PRKAG1: variants seen among roughly 807,000 people sequenced by gnomAD.
PRKAG1 encodes protein kinase AMP-activated non-catalytic subunit gamma 1, also known as 5'-AMP-activated protein kinase subunit gamma-1.
PRKAG1 carries 27 observed loss-of-function variants against 48.2 expected under a neutral mutation model. The observed-to-expected ratio is 0.56, with a 90% CI of 0.41 to 0.77. The LOEUF (loss-of-function observed/expected upper bound fraction) is 0.77, where lower values mean the gene tolerates loss of function less well. PRKAG1 is among the 30% of genes least tolerant of loss of function. The pLI is 0.00. For synonymous variants in PRKAG1, 130 were observed against 147.7 expected (o/e 0.88, Z 0.87); for missense variants, 287 against 398.3 (o/e 0.72, Z 2.38).
At chr12:49,009,516 T>C (rs1383207718) in intron 2 of PRKAG1, 1 of 152,236 alleles carries the variant, frequency 6.6e-6, no homozygotes, top group Admixed American at 6.5e-5. Context: ...ACTATATTTT[T>C]AATTTCCAAG....
chr12:49,005,869 A>T lies in PRKAG1; in HGVS notation c.59-17T>A, dbSNP rs772105380. On this transcript the variant is annotated splice_polypyrimidine_tract_variant and intron_variant, in intron 2 of 11. Transcript: ENST00000548065. The surrounding 1 kb of genome is among the most constrained non-coding windows in gnomAD (Gnocchi z 4.1). ...CTGGGGTCTCTGCATAGGGTGGGAT[A>T]GTTAGTAGCTTCCTTCCACATAAAA... 6.5e-7 allele frequency: 1 copy of T among 1,527,456 alleles called. No individual in the cohort carries two copies. The highest frequency in any genetic ancestry group is 8.9e-7 in the Non-Finnish European group (1 of 1,129,930). The allele number at this position is 1,527,456 out of a possible 1,614,324, so 94.6% of individuals were successfully genotyped here. A position where few individuals can be genotyped will look rare whatever the true frequency, so the allele number is the denominator to read the frequency against.
chr12:49,017,396 G>A (rs963883234), intron 1 of PRKAG1: 5 of 349,740 alleles, frequency 1.4e-5, no homozygotes, highest in African/African-American at 1.1e-4. Context: ...TGTTTCTGTC[G>A]AGACAGGCTT....
chr12:49,004,837 G>C, intron 7 of PRKAG1, 127 bp downstream of exon 7: 2 of 1,004,482 alleles, frequency 2.0e-6, no homozygotes, highest in Non-Finnish European at 3.1e-6. Context: ...GTGTGTGTGT[G>C]TGTGTGTGTG....
chr12:49,004,763 TAAAG>T lies in PRKAG1; in HGVS notation c.411-134_411-131del, dbSNP rs1406300915. The stretch of plus-strand genomic sequence containing the variant: ...AGGGGGGCAGTGTACAGGCCAGACT[TAAAG>T]AGAAAGAGAGAGAGAGAGAGAGTGA... On this transcript the variant is annotated intron_variant, in intron 7 of 11. Coordinates refer to ENST00000548065, the MANE Select transcript of PRKAG1 (RefSeq NM_002733.5). The T allele has an allele frequency of 3.5e-6, 5 of 1,430,254 alleles. No homozygotes were observed. The African/African-American group carries it at 4.4e-5, about 12-fold the overall frequency. 88.6% of individuals were successfully genotyped at this position (1,430,254 alleles called of 1,614,324 possible). A position where few individuals can be genotyped will look rare whatever the true frequency, so the allele number is the denominator to read the frequency against.
intron 8 of PRKAG1, 72 bp downstream of exon 8, chr12:49,004,433 GTC>G: frequency 1.9e-6 from 3 of 1,567,170 alleles, no homozygotes; most frequent in South Asian, 2.3e-5. Context: ...GTGAGACCTC[GTC>G]TCTCTTTTCA....
intron 1 of PRKAG1, among the ~76,000 whole-genome samples, chr12:49,016,049 G>A (rs1035831230): frequency 6.6e-6 from 1 of 150,858 alleles, no homozygotes; most frequent in Non-Finnish European, 1.5e-5. Context: ...CAGCTTCTCC[G>A]ACTTCTGCCT....
intron 2 of PRKAG1, among the ~76,000 whole-genome samples, chr12:49,008,020 C>T (rs555834102): frequency 2.0e-5 from 3 of 151,994 alleles, no homozygotes; most frequent in South Asian, 2.1e-4. Context: ...CCACCATGCC[C>T]GGCTAAATTT....
At chr12:49,006,307 G>A (rs1419587484) in intron 2 of PRKAG1, among the ~76,000 whole-genome samples, 2 of 152,136 alleles carry the variant, frequency 1.3e-5, no homozygotes, top group Non-Finnish European at 2.9e-5. Context: ...AGGAAGTTGA[G>A]GCAGAGGATC....
At chr12:49,013,272 C>T (rs970809590) in intron 1 of PRKAG1, among the ~76,000 whole-genome samples, 162 bp from the exon 2 acceptor site, 10 of 151,960 alleles carry the variant, frequency 6.6e-5, no homozygotes, top group Admixed American at 1.3e-4. Flanking sequence ...GACAAGGTCT[C>T]GCTCTGTCAC....
At chr12:49,010,823 T>C (rs1184567219) in intron 2 of PRKAG1, among the ~76,000 whole-genome samples, 1 of 151,954 alleles carries the variant, frequency 6.6e-6, no homozygotes, top group Non-Finnish European at 1.5e-5. Context: ...GGGGAGTTTT[T>C]GGGAATATAT....
At chr12:49,012,390 T>C (rs1018553034) in intron 2 of PRKAG1, among the ~76,000 whole-genome samples, 4 of 152,008 alleles carry the variant, frequency 2.6e-5, no homozygotes, top group Non-Finnish European at 2.9e-5. Flanking sequence ...TTTTTTTTTT[T>C]TTCTGAGACG....
chr12:49,004,796 TGAGA>T (rs144024522), intron 7 of PRKAG1, 163 bp from the exon 8 acceptor site: 90 of 1,121,678 alleles, frequency 8.0e-5, no homozygotes, highest in East Asian at 6.0e-4. Flanking sequence ...AGAGTGAGAA[TGAGA>T]GAGAGAGAGA....
intron 1 of PRKAG1, chr12:49,017,325 C>T (rs1305982726): frequency 1.2e-5 from 5 of 407,712 alleles, no homozygotes; most frequent in Middle Eastern, 5.1e-4. Context: ...CTGAGCCTCC[C>T]GAGTAGCTGG....
chr12:49,003,928 G>GT lies in PRKAG1; in HGVS notation c.538-7_538-6insA. On this transcript the variant is annotated splice_region_variant and splice_polypyrimidine_tract_variant and intron_variant, in intron 8 of 11. Transcript: ENST00000548065. ...GGCTTGGGGAACTCAGTGATCTGAG[G>GT]AAAGAACCATCAGCTTAACTTTCAA... 6.3e-7 allele frequency: 1 copy of GT among 1,586,008 alleles called. No individual in the cohort carries two copies. Among genetic ancestry groups the GT allele is most frequent in the Non-Finnish European group, 8.6e-7 (1 of 1,164,710 alleles).
intron 1 of PRKAG1, among the ~76,000 whole-genome samples, chr12:49,014,462 C>T (rs1361924877): frequency 2.0e-5 from 3 of 152,206 alleles, no homozygotes; most frequent in Non-Finnish European, 2.9e-5. Context: ...ACATGGAAGC[C>T]AGAGAGACAG....
In PRKAG1 at chr12:49,002,756, C is replaced by T; in HGVS notation, c.*143G>A. ...ATTCTCTTTCCTCCCCCATACCTTCCCTAGCTCCCAGATAGAAGGGCAGGG... is the reference window on the plus strand; with the variant it reads ...ATTCTCTTTCCTCCCCCATACCTTCTCTAGCTCCCAGATAGAAGGGCAGGG... On this transcript the variant is annotated 3_prime_UTR_variant, in exon 12 of 12. Coordinates refer to ENST00000548065, the MANE Select transcript of PRKAG1 (RefSeq NM_002733.5). 1.2e-6 allele frequency: 1 copy of T among 804,202 alleles called. No homozygotes were observed. Among genetic ancestry groups the T allele is most frequent in the Non-Finnish European group, 2.1e-6 (1 of 478,166 alleles). 49.8% of individuals were successfully genotyped at this position (804,202 alleles called of 1,614,324 possible). A position where few individuals can be genotyped will look rare whatever the true frequency, so the allele number is the denominator to read the frequency against.
intron 1 of PRKAG1, among the ~76,000 whole-genome samples, chr12:49,016,258 C>A (rs924924285): frequency 4.6e-5 from 7 of 152,180 alleles, no homozygotes; most frequent in African/African-American, 1.7e-4. Context: ...CTTTTAATAA[C>A]ATAAGGGACC....
chr12:49,005,191 A>C lies in PRKAG1; in HGVS notation c.310-26T>G. On this transcript the variant is annotated intron_variant, in intron 5 of 11. Coordinates refer to ENST00000548065, the MANE Select transcript of PRKAG1 (RefSeq NM_002733.5). The surrounding 1 kb of genome is among the most constrained non-coding windows in gnomAD (Gnocchi z 4.1). ...CTGAAAGCAGAAGCAACAGAATTTG[A>C]GACCTGATCTCTCTGCTTCCTTAAG... 6.2e-7 allele frequency: 1 copy of C among 1,614,038 alleles called. No homozygotes were observed. Among genetic ancestry groups the C allele is most frequent in the Non-Finnish European group, 8.5e-7 (1 of 1,179,890 alleles).
chr12:49,008,819 C>CT (rs1397505863), intron 2 of PRKAG1, among the ~76,000 whole-genome samples: 8 of 152,048 alleles, frequency 5.3e-5, no homozygotes. Flanking sequence ...TTGTATGTGA[C>CT]TTTTTTTTCC....
Sources: allele counts gnomAD v4.1 joint callset (sites outside exome capture counted in the v4.1 genomes callset), GRCh38; gene constraint gnomAD v4.1.1; non-coding constraint Gnocchi (gnomAD v3.1); transcripts MANE v1.5; gene names NCBI Gene and HGNC (gene_info 2026-07-23, HGNC 2026-07-21).